The following AKAP8L variants were observed in gnomAD, a reference collection of about 807,000 sequenced individuals.
The protein encoded by AKAP8L is A-kinase anchor protein 8-like.
AKAP8L carries 34 observed loss-of-function variants against 77.5 expected under a neutral mutation model. The observed-to-expected ratio is 0.44, with a 90% CI of 0.33 to 0.58. The LOEUF (loss-of-function observed/expected upper bound fraction) is 0.58. Among genes scored for constraint, AKAP8L ranks in the 20% least tolerant of loss-of-function variants. The pLI is 0.02. For synonymous variants in AKAP8L, 342 were observed against 340.7 expected (o/e 1.00, Z -0.04); for missense variants, 806 against 887.6 (o/e 0.91, Z 1.17).
At chr19:15,411,992 G>C (rs535401612) in intron 1 of AKAP8L, among the ~76,000 whole-genome samples, 4 of 152,266 alleles carry the variant, frequency 2.6e-5, no homozygotes, top group African/African-American at 4.8e-5. Flanking sequence ...GGTGGATCAC[G>C]AGGTTAGGAG....
Position 15,380,068 on chromosome 19 carries a change from T to C in AKAP8L, c.*54A>G. ...CCGGAGGTGGGATGGGAAAACTTTA[T>C]TAGGTTTGGTTTCCAGCTTCGGCCA... On this transcript the variant is annotated 3_prime_UTR_variant, in exon 14 of 14. Coordinates refer to ENST00000397410, the MANE Select transcript of AKAP8L (RefSeq NM_014371.4). 7.0e-7 allele frequency: 1 copy of C among 1,428,910 alleles called. No individual in the cohort carries two copies. 88.5% of individuals were successfully genotyped at this position (1,428,910 alleles called of 1,614,324 possible).
chr19:15,393,536 A>G (rs1967707161), intron 12 of AKAP8L, among the ~76,000 whole-genome samples: 1 of 152,224 alleles, frequency 6.6e-6, no homozygotes, highest in East Asian at 1.9e-4. Flanking sequence ...CAACCAGCCC[A>G]TGAAAAGATG....
chr19:15,403,614 C>T lies in AKAP8L; in HGVS notation c.223G>A (p.Asp75Asn). Residue 75 changes from aspartate to asparagine, a missense_variant, in exon 4 of 14, where the codon GAC becomes AAC. Physicochemically the swap from Asp to Asn is conservative, Grantham distance 23. Coordinates refer to ENST00000397410, the MANE Select transcript of AKAP8L (RefSeq NM_014371.4). This position sits in a 1 kb window ranked among gnomAD's most constrained non-coding sequence, Gnocchi z 4.3. ...GAGGCACTAGTGTTTGCATTTGTGTCAGAGCTAGGCATTTCCCAAGAGTGT... is the reference window on the plus strand; with the variant it reads ...GAGGCACTAGTGTTTGCATTTGTGTTAGAGCTAGGCATTTCCCAAGAGTGT... ...TSHSWEMPSS[D>N]TNANTSASGS... 1.9e-6 allele frequency: 3 copies of T among 1,613,990 alleles called. No individual in the cohort carries two copies. Among genetic ancestry groups the T allele is most frequent in the Non-Finnish European group, 2.5e-6 (3 of 1,179,890 alleles).
At position 15,401,412 on chromosome 19, in the gene AKAP8L, C is replaced by T. The variant is rs1463159174; in HGVS notation, c.554G>A (p.Arg185Gln). The T allele has an allele frequency of 6.8e-6, 11 of 1,613,274 alleles. No individual in the cohort carries two copies. Among genetic ancestry groups the T allele is most frequent in the Non-Finnish European group, 9.3e-6 (11 of 1,179,872 alleles). ...CATTGGCCGGCCGCTCCGGGCATCC[C>T]GGGCCCAGCCCTGTGCCCTGGGACC... is the stretch of plus-strand genomic sequence containing the variant. The part of the protein sequence containing the change: ...TFGPRAQGWA[R>Q]DARSGRPMAS... The change falls in exon 5 of 14, where the codon CGG (arginine) becomes CAG (glutamine). Residue 185 changes from arginine to glutamine, a missense_variant. By Grantham distance (43) the Arg-to-Gln change is conservative (BLOSUM62 1). Around this residue, in one of 2 missense-constraint regions of AKAP8L, gnomAD observed 580 missense variants for 694.1 expected, o/e 0.84. Transcript: ENST00000397410. The surrounding 1 kb of genome is among the most constrained non-coding windows in gnomAD (Gnocchi z 6.2).
In AKAP8L at chr19:15,380,617, G is replaced by A; in HGVS notation, c.1537-5C>T. On this transcript the variant is annotated splice_region_variant and splice_polypyrimidine_tract_variant and intron_variant, in intron 12 of 13. Coordinates refer to ENST00000397410, the MANE Select transcript of AKAP8L (RefSeq NM_014371.4). Reference sequence around the variant, plus strand: ...CTTGGACTGCTCCATCATGAGCTGCGGGCAGGGCAGAAGGAGCTGGAGAGG... The same window carrying A: ...CTTGGACTGCTCCATCATGAGCTGCAGGCAGGGCAGAAGGAGCTGGAGAGG... 4 of 1,612,990 alleles carry A rather than the reference G, an allele frequency of 2.5e-6. No individual in the cohort carries two copies. Among genetic ancestry groups the A allele is most frequent in the Middle Eastern group, 3.3e-4 (2 of 6,062 alleles).
At chr19:15,417,935 G>A (rs1294538105) in intron 1 of AKAP8L, among the ~76,000 whole-genome samples, 1 of 152,142 alleles carries the variant, frequency 6.6e-6, no homozygotes, top group Non-Finnish European at 1.5e-5. Context: ...GGGGCGGAGA[G>A]GGGCTCTCGG....
chr19:15,399,728 G>T lies in AKAP8L; in HGVS notation c.1049-318C>A. ...GTGGGGACACTGGCACATGTTCAGA[G>T]GGGCCAGGTGGTGGGATGCAGGGAG... On this transcript the variant is annotated intron_variant, in intron 8 of 13. Transcript: ENST00000397410. This position sits in a 1 kb window ranked among gnomAD's most constrained non-coding sequence, Gnocchi z 6.1. 1 of 383,464 alleles carries T rather than the reference G, an allele frequency of 2.6e-6. No individual in the cohort carries two copies. Among genetic ancestry groups the T allele is most frequent in the Non-Finnish European group, 4.9e-6 (1 of 205,550 alleles). The allele number at this position is 383,464 out of a possible 1,614,324, so 23.8% of individuals were successfully genotyped here. A position where few individuals can be genotyped will look rare whatever the true frequency, so the allele number is the denominator to read the frequency against.
intron 1 of AKAP8L, 56 bp from the exon 2 acceptor site, chr19:15,410,650 T>C: frequency 7.2e-7 from 1 of 1,386,672 alleles, no homozygotes; most frequent in Non-Finnish European, 1.0e-6. Context: ...GGAAATGACC[T>C]GAGACTACCT....
intron 12 of AKAP8L, among the ~76,000 whole-genome samples, chr19:15,381,392 A>T (rs1226310703): frequency 6.6e-6 from 1 of 152,204 alleles, no homozygotes; most frequent in African/African-American, 2.4e-5. Flanking sequence ...ATAATATAGT[A>T]CTGTCTGCAG....
rs1967893354 is a variant in AKAP8L at position 15,401,309 on chromosome 19, G to A, written c.657C>T (p.Pro219=). Residue 219 remains proline, a synonymous_variant, in exon 5 of 14, where the codon CCC becomes CCT. Transcript: ENST00000397410. The surrounding 1 kb of genome is among the most constrained non-coding windows in gnomAD (Gnocchi z 6.2). The stretch of plus-strand genomic sequence containing the variant: ...GGATGATGTTCTGGGAGAAGAGGGA[G>A]GGCAGCCGAGAGGCACCAGACATGC... ...GQCMSGASRL[P]SLFSQNIIPE... The A allele has an allele frequency of 1.2e-6, 2 of 1,613,594 alleles. No homozygotes were observed. The highest frequency in any genetic ancestry group is 8.5e-7 in the Non-Finnish European group (1 of 1,179,902).
In AKAP8L at chr19:15,414,061, T is replaced by C. The variant is rs895793716; in HGVS notation, c.14-3467A>G. ...TTTGGCTCCTATTATGAATAATTCT[T>C]TTTTTTTTTTTTTTTTTTTTGAGAC... On this transcript the variant is annotated intron_variant, in intron 1 of 13. Transcript: ENST00000397410. Among the ~76,000 whole-genome samples the C allele has an allele frequency of 2.9e-5, 4 of 137,722 alleles. No homozygotes were observed. The East Asian group carries it at 8.0e-4, about 27-fold the overall frequency. The allele number at this position is 137,722 out of a possible 152,430, so 90.4% of individuals were successfully genotyped here.
At chr19:15,394,344 G>C (rs1568265401) in intron 12 of AKAP8L, among the ~76,000 whole-genome samples, 1 of 152,178 alleles carries the variant, frequency 6.6e-6, no homozygotes, top group Non-Finnish European at 1.5e-5. Context: ...ATGTGATTCT[G>C]TTTATATGAA....
chr19:15,412,489 C>T lies in AKAP8L; in HGVS notation c.14-1895G>A, dbSNP rs562740147. On this transcript the variant is annotated intron_variant, in intron 1 of 13. Transcript: ENST00000397410. ...CCTACAGACTATGACTGATGCTAAT[C>T]CTGACACTTGCTTTAAAACTACATT... 2.4e-3 allele frequency among the ~76,000 whole-genome samples: 366 copies of T among 152,324 alleles called. 1 individual carries two copies. Among genetic ancestry groups the T allele is most frequent in the African/African-American group, 8.4e-3 (349 of 41,582 alleles).
rs1290348275 is a variant in AKAP8L at position 15,398,147 on chromosome 19, A to G, written c.1158-292T>C. The stretch of plus-strand genomic sequence containing the variant: ...GCTGCAACAGGCAACGAGTCGCTGG[A>G]AAGTTGCTGGAGGGCCTCGCTACCA... On this transcript the variant is annotated intron_variant, in intron 9 of 13. Transcript: ENST00000397410. This position sits in a 1 kb window ranked among gnomAD's most constrained non-coding sequence, Gnocchi z 9.2. The G allele has an allele frequency of 2.2e-6, 1 of 449,194 alleles. No homozygotes were observed. Among genetic ancestry groups the G allele is most frequent in the Admixed American group, 3.5e-5 (1 of 28,794 alleles). 27.8% of individuals were successfully genotyped at this position (449,194 alleles called of 1,614,324 possible).
At position 15,401,243 on chromosome 19, in the gene AKAP8L, G is replaced by A; in HGVS notation, c.723C>T (p.Ala241=). The part of the protein sequence containing the change: ...GMFQGMRGGG[A]FPGGSRFGFG... ...AACCAAAGCGGGAGCCGCCCGGGAA[G>A]GCGCCCCCACCTCGCATGCCCTGGA... Residue 241 remains alanine, a synonymous_variant, in exon 5 of 14, where the codon GCC becomes GCT. Transcript: ENST00000397410. This position sits in a 1 kb window ranked among gnomAD's most constrained non-coding sequence, Gnocchi z 6.2. The A allele has an allele frequency of 6.2e-7, 1 of 1,613,708 alleles. No homozygotes were observed. The highest frequency in any genetic ancestry group is 8.5e-7 in the Non-Finnish European group (1 of 1,179,760).
chr19:15,414,519 C>T (rs1194441116), intron 1 of AKAP8L, among the ~76,000 whole-genome samples: 3 of 151,524 alleles, frequency 2.0e-5, no homozygotes, highest in Non-Finnish European at 1.5e-5. Flanking sequence ...GACGGAGTCT[C>T]GCTCTGTCGC....
intron 12 of AKAP8L, among the ~76,000 whole-genome samples, chr19:15,388,937 G>C (rs1480722688): frequency 2.7e-5 from 4 of 147,402 alleles, no homozygotes; most frequent in African/African-American, 1.0e-4. Flanking sequence ...GAACTTGGCC[G>C]AGCTCGGTGG....
intron 12 of AKAP8L, chr19:15,383,657 A>G (rs559258437): frequency 1.3e-5 from 2 of 152,118 alleles, no homozygotes; most frequent in African/African-American, 4.8e-5. Flanking sequence ...TTACTGTGCT[A>G]ATTATCACTT....
At chr19:15,413,966 GCAC>G (rs1420493885) in intron 1 of AKAP8L, among the ~76,000 whole-genome samples, 1 of 151,714 alleles carries the variant, frequency 6.6e-6, no homozygotes, top group Non-Finnish European at 1.5e-5. Flanking sequence ...TCTATACCCT[GCAC>G]CACATTAACA....
Sources: gnomAD v4.1 joint callset for allele counts (sites outside exome capture counted in the v4.1 genomes callset) on GRCh38, gnomAD v4.1.1 for gene constraint, gnomAD v4.1.1 regional missense constraint, Gnocchi (gnomAD v3.1) non-coding constraint, MANE v1.5 for transcripts, NCBI Gene and HGNC (gene_info 2026-07-23, HGNC 2026-07-21) for gene names.